PEX5L: variants seen among roughly 807,000 people sequenced by gnomAD.
The protein encoded by PEX5L is peroxisomal biogenesis factor 5 like.
A neutral mutation model predicts 84.0 loss-of-function variants in PEX5L; 30 were observed. The observed-to-expected ratio is 0.36, with a 90% CI of 0.27 to 0.48. The LOEUF is 0.48. PEX5L is among the 20% of genes least tolerant of loss of function. The pLI, the probability that PEX5L is intolerant of heterozygous loss-of-function variation, is 0.99. For missense variants in PEX5L, 533 were observed against 754.6 expected (o/e 0.71, Z 3.44); for synonymous variants, 270 against 283.1 (o/e 0.95, Z 0.46).
intron 6 of PEX5L, among the ~76,000 whole-genome samples, chr3:179,874,738 G>GTTTTTTTTTTTTTTTTTTTTTTTTTTTT (rs3836472): frequency 4.3e-5 from 2 of 45,992 alleles, no homozygotes; most frequent in Non-Finnish European, 3.7e-5. Flanking sequence ...TTTTTTTTTT[G>GTTTTTTTTTTTTTTTTTTTTTTTTTTTT]TTTTTTTTTT....
At chr3:179,839,635 C>A (rs949786399) in intron 8 of PEX5L, among the ~76,000 whole-genome samples, 2 of 152,188 alleles carry the variant, frequency 1.3e-5, no homozygotes, top group Non-Finnish European at 2.9e-5. Flanking sequence ...ACTCACATAA[C>A]TTCTGTAGTT....
chr3:179,914,706 C>T (rs138743148), intron 2 of PEX5L, among the ~76,000 whole-genome samples: 5 of 152,266 alleles, frequency 3.3e-5, no homozygotes, highest in African/African-American at 9.6e-5. Flanking sequence ...CACCAACATC[C>T]GAGGCAAAGA....
At chr3:179,972,950 CTAT>C (rs1785130672) in intron 1 of PEX5L, among the ~76,000 whole-genome samples, 1 of 152,100 alleles carries the variant, frequency 6.6e-6, no homozygotes, top group Admixed American at 6.5e-5. Context: ...GCATTTCTCC[CTAT>C]TATTATTCTT....
At chr3:180,006,151 T>A (rs1480418887) in intron 1 of PEX5L, among the ~76,000 whole-genome samples, 1 of 152,186 alleles carries the variant, frequency 6.6e-6, no homozygotes, top group Non-Finnish European at 1.5e-5. Flanking sequence ...CAACCTTGAG[T>A]AATTAACAAA....
intron 2 of PEX5L, among the ~76,000 whole-genome samples, chr3:179,960,225 A>G (rs1162572639): frequency 6.6e-6 from 1 of 152,220 alleles, no homozygotes; most frequent in East Asian, 1.9e-4. Flanking sequence ...CTCTACTTCT[A>G]GCAGATATGC....
intron 4 of PEX5L, among the ~76,000 whole-genome samples, chr3:179,886,040 T>C (rs1755749980): frequency 6.6e-6 from 1 of 152,248 alleles, no homozygotes; most frequent in Non-Finnish European, 1.5e-5. Context: ...TTCCATATGT[T>C]AGAACAATCA....
In PEX5L at chr3:179,925,246, C is replaced by T. The variant is rs1262420301; in HGVS notation, c.94-27000G>A. On this transcript the variant is annotated intron_variant, in intron 2 of 14. Transcript: ENST00000467460. ...TTTTGAATAGGTGTTACATTGATAG[C>T]GTTCAAAAATTTTAAAAAGGCATCC... Among the ~76,000 whole-genome samples the T allele has an allele frequency of 4.6e-5, 7 of 152,114 alleles. No individual in the cohort carries two copies. The East Asian group carries it at 5.8e-4, about 13-fold the overall frequency.
rs1460770841 is a variant in PEX5L, at chr3:179,797,599, AAAAAAAATAT to A, written c.*4219_*4228del. ...TCTATGAACACTCTTTAAAAAAAAA[AAAAAAAATAT>A]ATATATATATATATATATATATCTA... On this transcript the variant is annotated 3_prime_UTR_variant, in exon 15 of 15. Coordinates refer to ENST00000467460, the MANE Select transcript of PEX5L (RefSeq NM_016559.3). The A allele has an allele frequency of 1.6e-4, 17 of 108,068 alleles. No homozygotes were observed. Among genetic ancestry groups the A allele is most frequent in the Admixed American group, 3.9e-4 (4 of 10,236 alleles). 6.7% of individuals were successfully genotyped at this position (108,068 alleles called of 1,614,324 possible).
chr3:179,875,512 G>A (rs1284288013), intron 5 of PEX5L, 35 bp from the exon 6 acceptor site: 20 of 1,603,830 alleles, frequency 1.2e-5, no homozygotes, highest in Non-Finnish European at 1.6e-5. Flanking sequence ...GAGGCAGGTG[G>A]CGGCAGGGCG....
At chr3:179,885,736 A>AATATTGGAGTTATGCTGCC (rs1217349247) in intron 4 of PEX5L, among the ~76,000 whole-genome samples, 1 of 152,122 alleles carries the variant, frequency 6.6e-6, no homozygotes, top group Non-Finnish European at 1.5e-5. Context: ...ACACCACATG[A>AATATTGGAGTTATGCTGCC]ATATTGGAGT....
At chr3:179,956,788 G>A (rs1780671822) in intron 2 of PEX5L, among the ~76,000 whole-genome samples, 2 of 152,178 alleles carry the variant, frequency 1.3e-5, no homozygotes, top group South Asian at 4.1e-4. Flanking sequence ...CATCTCCAGT[G>A]ATGCTTAACG....
intron 8 of PEX5L, among the ~76,000 whole-genome samples, chr3:179,839,153 G>T: frequency 6.6e-6 from 1 of 152,110 alleles, no homozygotes; most frequent in East Asian, 1.9e-4. Context: ...GTAAGGAAAT[G>T]AAGAGATTCA....
intron 1 of PEX5L, among the ~76,000 whole-genome samples, chr3:180,016,496 C>T (rs1341871903): frequency 6.6e-6 from 1 of 152,134 alleles, no homozygotes; most frequent in African/African-American, 2.4e-5. Context: ...TTTAATTTGT[C>T]CTTGAATATA....
chr3:179,824,637 C>T (rs960976323), intron 8 of PEX5L, among the ~76,000 whole-genome samples: 3 of 129,808 alleles, frequency 2.3e-5, no homozygotes, highest in African/African-American at 5.8e-5. Flanking sequence ...ACCCGGCAGG[C>T]GGAGGTTGTG....
intron 3 of PEX5L, among the ~76,000 whole-genome samples, chr3:179,888,848 T>C (rs1251011139): frequency 1.3e-5 from 2 of 152,150 alleles, no homozygotes; most frequent in Non-Finnish European, 2.9e-5. Flanking sequence ...CACCGCATCC[T>C]CGAACTCCTG....
At chr3:179,900,658 G>GA (rs1760995746) in intron 2 of PEX5L, 2 of 1,526,846 alleles carry the variant, frequency 1.3e-6, no homozygotes, top group Non-Finnish European at 1.8e-6. Context: ...ATTTCTTGCA[G>GA]AAAAAACCCA....
intron 5 of PEX5L, among the ~76,000 whole-genome samples, chr3:179,877,988 C>T (rs1176369727): frequency 2.0e-5 from 3 of 152,214 alleles, no homozygotes; most frequent in Admixed American, 2.0e-4. Flanking sequence ...AGCTCATCTA[C>T]ACCCATGGTT....
chr3:179,876,929 T>C (rs1752621136), intron 5 of PEX5L, among the ~76,000 whole-genome samples: 1 of 152,162 alleles, frequency 6.6e-6, no homozygotes, highest in South Asian at 2.1e-4. Context: ...CATAATGAGA[T>C]ATCTTGGGGC....
chr3:179,804,524 A>T (rs1442496), intron 14 of PEX5L, among the ~76,000 whole-genome samples: 126,354 of 152,106 alleles, frequency 0.83, 52,757 homozygotes, highest in East Asian at 0.91. Flanking sequence ...TGTAACATTT[A>T]GAGCTAAAGC....
Sources: allele counts gnomAD v4.1 joint callset (sites outside exome capture counted in the v4.1 genomes callset), GRCh38; gene constraint gnomAD v4.1.1; transcripts MANE v1.5; gene names NCBI Gene and HGNC (gene_info 2026-07-23, HGNC 2026-07-21).